Variants in COMMD2 observed in about 807,000 individuals in gnomAD.
The protein encoded by COMMD2 is COMM domain containing 2, also known as COMM domain-containing protein 2.
In COMMD2, 25 loss-of-function variants were observed where a neutral mutation model predicts 22.5. The ratio of observed to expected loss-of-function variants is 1.11; its 90% CI spans 0.81 to 1.55. COMMD2 has a LOEUF of 1.55. Ranked by LOEUF, COMMD2 falls within the 40% of genes most tolerant of loss-of-function variation. COMMD2 has a pLI of 0.00. For synonymous variants in COMMD2, 98 were observed against 91.2 expected, an observed-to-expected ratio of 1.07 and a Z score of -0.42; for missense variants, 223 against 232.9, an observed-to-expected ratio of 0.96 and a Z score of 0.28.
In COMMD2 at chr3:149,751,293, A is replaced by G. The variant is rs756061479; in HGVS notation, c.228+110T>C. 2.4e-5 allele frequency: 37 copies of G among 1,528,532 alleles called. No individual in the cohort carries two copies. The African/African-American group carries it at 4.9e-4, about 20-fold the overall frequency. 94.7% of individuals were successfully genotyped at this position (1,528,532 alleles called of 1,614,324 possible). On this transcript the variant is annotated intron_variant, in intron 3 of 4. Coordinates refer to ENST00000473414, the MANE Select transcript of COMMD2 (RefSeq NM_016094.4). ...GTCTTCAAAAAATCAATTATAAACCATTAACAACATTATTAAAACACACAG... is the reference window on the plus strand; with the variant it reads ...GTCTTCAAAAAATCAATTATAAACCGTTAACAACATTATTAAAACACACAG...
rs771993406 is a variant in COMMD2, at chr3:149,750,827, A to T, written c.253T>A (p.Ser85Thr). The T allele has an allele frequency of 8.2e-6, 13 of 1,583,308 alleles. No individual in the cohort carries two copies. Among genetic ancestry groups the T allele is most frequent in the Non-Finnish European group, 1.1e-5 (13 of 1,164,096 alleles). Residue 85 changes from serine to threonine, a missense_variant, in exon 4 of 5, where the codon TCT becomes ACT. By Grantham distance (58) the Ser-to-Thr change is moderately conservative. Coordinates refer to ENST00000473414, the MANE Select transcript of COMMD2 (RefSeq NM_016094.4). ...LMISELDFQDSVFVLGFSEEL... is the reference protein window; with the variant it reads ...LMISELDFQDTVFVLGFSEEL... ...TCAGAGAATCCCAGAACAAAAACAG[A>T]GTCTTGGAAATCCAGTTCAGAAATC... is the stretch of plus-strand genomic sequence containing the variant.
chr3:149,742,965 C>CAAAAA (rs5853437), intron 4 of COMMD2, among the ~76,000 whole-genome samples: 4 of 120,066 alleles, frequency 3.3e-5, no homozygotes, highest in Admixed American at 8.3e-5. Flanking sequence ...GACTCTATCT[C>CAAAAA]AAAAAAAAAA....
At chr3:149,746,163 C>T (rs998000846) in intron 4 of COMMD2, among the ~76,000 whole-genome samples, 18 of 152,156 alleles carry the variant, frequency 1.2e-4, no homozygotes, top group African/African-American at 3.9e-4. Flanking sequence ...GGCTGTAGTG[C>T]TGCCTGACTT....
chr3:149,745,138 C>G (rs1005783317), intron 4 of COMMD2, among the ~76,000 whole-genome samples: 2 of 152,126 alleles, frequency 1.3e-5, no homozygotes, highest in African/African-American at 4.8e-5. Context: ...CCCCACATCT[C>G]CACCGGGTTA....
chr3:149,743,059 C>G (rs911766720), intron 4 of COMMD2, among the ~76,000 whole-genome samples: 1 of 151,582 alleles, frequency 6.6e-6, no homozygotes, highest in African/African-American at 2.4e-5. Flanking sequence ...GAGATGGTTA[C>G]AATTGGGTAC....
chr3:149,751,212 A>T, intron 3 of COMMD2, 191 bp downstream of exon 3: 1 of 779,844 alleles, frequency 1.3e-6, no homozygotes, highest in Non-Finnish European at 2.0e-6. Context: ...CTAGCTATTT[A>T]TACTAGCAAG....
In COMMD2 at chr3:149,740,939, G is replaced by A. The variant is rs76979273; in HGVS notation, c.*582C>T. 0.035 allele frequency: 5,336 copies of A among 152,608 alleles called. 135 individuals are homozygous for A. The highest frequency in any genetic ancestry group is 0.054 in the Non-Finnish European group (3,683 of 68,006). The allele number at this position is 152,608 out of a possible 1,614,324, so 9.5% of individuals were successfully genotyped here. On this transcript the variant is annotated 3_prime_UTR_variant, in exon 5 of 5. Coordinates refer to ENST00000473414, the MANE Select transcript of COMMD2 (RefSeq NM_016094.4). ...TAATGGCCATCTGGCTAGTTCCAAC[G>A]GTAGAGCATGAGACTCTTAAAATAC...
intron 4 of COMMD2, among the ~76,000 whole-genome samples, chr3:149,746,011 C>T (rs1716355282): frequency 6.6e-6 from 1 of 152,192 alleles, no homozygotes; most frequent in Non-Finnish European, 1.5e-5. Flanking sequence ...TCAGAGAAAT[C>T]ATTCTCATTT....
At chr3:149,752,128 TAATCCGTTTCTCTCCCGGG>T in intron 2 of COMMD2, 63 bp downstream of exon 2, 1 of 1,154,600 alleles carries the variant, frequency 8.7e-7, no homozygotes, top group East Asian at 2.3e-5. Context: ...GGACTCGCAA[TAATCCGTTTCTCTCCCGGG>T]AGACAGGGAA....
chr3:149,746,715 G>A (rs552957185), intron 4 of COMMD2, among the ~76,000 whole-genome samples: 2 of 152,224 alleles, frequency 1.3e-5, no homozygotes, highest in East Asian at 1.9e-4. Flanking sequence ...CCTGGGAGGC[G>A]GAGCTTGCAG....
chr3:149,752,144 C>T, intron 2 of COMMD2, 66 bp downstream of exon 2: 2 of 1,336,588 alleles, frequency 1.5e-6, no homozygotes, highest in Admixed American at 1.9e-5. Flanking sequence ...GTTTCTCTCC[C>T]GGGAGACAGG....
chr3:149,745,734 G>C (rs1186318355), intron 4 of COMMD2, among the ~76,000 whole-genome samples: 1 of 151,698 alleles, frequency 6.6e-6, no homozygotes, highest in African/African-American at 2.4e-5. Flanking sequence ...TCATGACAAT[G>C]GAATATTCTC....
Position 149,741,525 on chromosome 3 carries a change from T to C in COMMD2, c.596A>G (p.Lys199Arg), listed in dbSNP as rs754067937. 5 of 1,612,682 alleles carry C rather than the reference T, an allele frequency of 3.1e-6. No individual in the cohort carries two copies. The highest frequency in any genetic ancestry group is 4.2e-6 in the Non-Finnish European group (5 of 1,178,668). Residue 199 changes from lysine (K) to arginine (R), a missense_variant, in exon 5 of 5, where the codon AAG becomes AGG. Physicochemically the swap from Lys to Arg is conservative, Grantham distance 26 (BLOSUM62 2). Transcript: ENST00000473414. The part of the protein sequence containing the change: ...NHCRRVVRNI[K>R] ...ATTAAAACCTTAAAACTGGTACTAC[T>C]TGATGTTGCGAACAACTCTCCTACA... is the stretch of plus-strand genomic sequence containing the variant.
chr3:149,751,001 G>A, intron 3 of COMMD2, 150 bp from the exon 4 acceptor site: 1 of 577,324 alleles, frequency 1.7e-6, no homozygotes, highest in Non-Finnish European at 2.8e-6. Context: ...TCCAAAATCT[G>A]TGTTACCAAT....
rs1559856622 is a variant in COMMD2, at chr3:149,752,240, C to T, written c.115G>A (p.Ala39Thr). ...RIAVEFLRRG[A>T]NPKIYEGAAR... is the part of the protein sequence containing the mutation. ...GCGCCTTCGTAGATTTTTGGGTTTGCGCCGCGTCTCAGGAATTCCACAGCA... is the reference window on the plus strand; with the variant it reads ...GCGCCTTCGTAGATTTTTGGGTTTGTGCCGCGTCTCAGGAATTCCACAGCA... The change falls in exon 2 of 5, where the codon GCA becomes ACA. Residue 39 changes from alanine to threonine, a missense_variant. Coordinates refer to ENST00000473414, the MANE Select transcript of COMMD2 (RefSeq NM_016094.4). The T allele has an allele frequency of 6.2e-7, 1 of 1,614,058 alleles. No individual in the cohort carries two copies. The highest frequency in any genetic ancestry group is 8.5e-7 in the Non-Finnish European group (1 of 1,179,982).
intron 4 of COMMD2, among the ~76,000 whole-genome samples, chr3:149,747,036 C>CA: frequency 1.3e-5 from 2 of 152,264 alleles, no homozygotes; most frequent in Middle Eastern, 6.8e-3. Context: ...CCACCCTTGA[C>CA]AAGAGGGATT....
intron 2 of COMMD2, 40 bp from the exon 3 acceptor site, chr3:149,751,525 T>C (rs754197657): frequency 7.5e-5 from 109 of 1,461,210 alleles, no homozygotes; most frequent in Non-Finnish European, 8.2e-5. Context: ...AAATTACTAC[T>C]GTAGTATTTA....
intron 4 of COMMD2, among the ~76,000 whole-genome samples, chr3:149,748,573 C>T (rs1460189082): frequency 6.6e-6 from 1 of 152,230 alleles, no homozygotes; most frequent in Admixed American, 6.5e-5. Flanking sequence ...GGAGGCATTT[C>T]TCCCAAAGGG....
chr3:149,741,039 TTTTTA>T lies in COMMD2; in HGVS notation c.*477_*481del, dbSNP rs1716198953. 1 of 152,388 alleles carries T rather than the reference TTTTTA, an allele frequency of 6.6e-6. No homozygotes were observed. The highest frequency in any genetic ancestry group is 1.5e-5 in the Non-Finnish European group (1 of 68,036). 9.4% of individuals were successfully genotyped at this position (152,388 alleles called of 1,614,324 possible). A position where few individuals can be genotyped will look rare whatever the true frequency, so the allele number is the denominator to read the frequency against. On this transcript the variant is annotated 3_prime_UTR_variant, in exon 5 of 5. Transcript: ENST00000473414. ...AACTTTACTTTAGCTTCTGATTACT[TTTTTA>T]TTTTTATTTTTACTTTATTATTATT...
Sources: gnomAD v4.1 joint callset for allele counts (sites outside exome capture counted in the v4.1 genomes callset) on GRCh38, gnomAD v4.1.1 for gene constraint, MANE v1.5 for transcripts, NCBI Gene and HGNC (gene_info 2026-07-23, HGNC 2026-07-21) for gene names.